The following MAGI2 variants were observed in gnomAD, a reference collection of about 807,000 sequenced individuals.
The protein encoded by MAGI2 is membrane-associated guanylate kinase, WW and PDZ domain-containing protein 2.
A neutral mutation model predicts 133.3 loss-of-function variants in MAGI2; 35 were observed. That is an observed-to-expected ratio of 0.26 (90% confidence interval 0.20 to 0.35). The LOEUF (loss-of-function observed/expected upper bound fraction) is 0.35. MAGI2 is among the 10% of genes least tolerant of loss of function. The pLI, the probability that MAGI2 is intolerant of heterozygous loss-of-function variation, is 1.00. For missense variants in MAGI2, 1,636 were observed against 1,863.4 expected (o/e 0.88, Z 2.25); for synonymous variants, 729 against 710.6 (o/e 1.03, Z -0.41).
chr7:78,700,957 ATAATT>A (rs67685698), intron 2 of MAGI2, among the ~76,000 whole-genome samples: 52,569 of 149,948 alleles, frequency 0.35, 9,511 homozygotes, highest in Middle Eastern at 0.43. Context: ...ACATTTACAT[ATAATT>A]TAAATATATG....
At chr7:78,779,560 G>C (rs759820683) in intron 2 of MAGI2, among the ~76,000 whole-genome samples, 50 of 152,086 alleles carry the variant, frequency 3.3e-4, no homozygotes, top group Non-Finnish European at 2.2e-4. Context: ...AGTTGAGAAA[G>C]TTTTGACTGA....
chr7:78,201,082 G>T, intron 11 of MAGI2, 80 bp downstream of exon 11: 1 of 890,630 alleles, frequency 1.1e-6, no homozygotes, highest in Non-Finnish European at 1.7e-6. Flanking sequence ...AGATTTTGAG[G>T]TCACCCAATT....
intron 1 of MAGI2, among the ~76,000 whole-genome samples, chr7:79,431,594 T>C (rs1193380929): frequency 6.6e-6 from 1 of 152,190 alleles, no homozygotes; most frequent in African/African-American, 2.4e-5. Context: ...AAAAATATTA[T>C]AATTCTTCTA....
At chr7:79,116,861 T>G (rs2129544324) in intron 1 of MAGI2, among the ~76,000 whole-genome samples, 1 of 152,302 alleles carries the variant, frequency 6.6e-6, no homozygotes, top group South Asian at 2.1e-4. Flanking sequence ...CCACCATGAT[T>G]GTAAGCTTCC....
At chr7:78,917,358 C>T (rs1448583439) in intron 2 of MAGI2, among the ~76,000 whole-genome samples, 1 of 151,874 alleles carries the variant, frequency 6.6e-6, no homozygotes, top group Non-Finnish European at 1.5e-5. Flanking sequence ...TTAATTTCTG[C>T]CCTGGAGGAA....
chr7:78,552,289 T>G (rs1799412626), intron 3 of MAGI2, among the ~76,000 whole-genome samples: 1 of 150,298 alleles, frequency 6.7e-6, no homozygotes, highest in African/African-American at 2.5e-5. Context: ...GTTCAAGCAG[T>G]TCTCCTGACT....
intron 3 of MAGI2, among the ~76,000 whole-genome samples, chr7:78,572,755 C>T (rs143403534): frequency 0.011 from 1,632 of 151,824 alleles, 25 homozygotes; most frequent in African/African-American, 0.037. Flanking sequence ...CTCCGCCTCC[C>T]AGGTTCAAGC....
chr7:79,127,827 G>A (rs1820565812), intron 1 of MAGI2, among the ~76,000 whole-genome samples: 1 of 152,078 alleles, frequency 6.6e-6, no homozygotes, highest in South Asian at 2.1e-4. Context: ...GTCAATTTTG[G>A]CTTGTGTTGC....
intron 2 of MAGI2, among the ~76,000 whole-genome samples, chr7:78,878,990 GTA>G (rs1234253709): frequency 2.0e-5 from 3 of 152,092 alleles, no homozygotes; most frequent in Non-Finnish European, 4.4e-5. Flanking sequence ...CTATAGTTCA[GTA>G]GGGCCCCTAT....
chr7:78,255,491 G>T (rs1327773736), intron 10 of MAGI2: 1 of 294,182 alleles, frequency 3.4e-6, no homozygotes, highest in African/African-American at 2.3e-5. Flanking sequence ...TCAAGACTGT[G>T]CTTGGGCTTA....
intron 9 of MAGI2, among the ~76,000 whole-genome samples, chr7:78,339,530 TAAC>T (rs1790133160): frequency 6.6e-6 from 1 of 152,174 alleles, no homozygotes; most frequent in Admixed American, 6.5e-5. Flanking sequence ...GAAAGAAAAA[TAAC>T]TACATTTTTT....
intron 1 of MAGI2, among the ~76,000 whole-genome samples, chr7:79,157,370 G>A (rs967161741): frequency 1.3e-4 from 19 of 151,768 alleles, no homozygotes; most frequent in African/African-American, 1.7e-4. Flanking sequence ...TCTAGGAAAC[G>A]CATATAAGGG....
chr7:78,550,226 G>A (rs763153925), intron 3 of MAGI2, among the ~76,000 whole-genome samples: 1 of 152,116 alleles, frequency 6.6e-6, no homozygotes, highest in African/African-American at 2.4e-5. Flanking sequence ...AGCCTGAATG[G>A]ACTAAGGTAA....
At chr7:79,211,705 T>C (rs575356478) in intron 1 of MAGI2, among the ~76,000 whole-genome samples, 1 of 152,032 alleles carries the variant, frequency 6.6e-6, no homozygotes, top group Non-Finnish European at 1.5e-5. Context: ...GTTAGAATGC[T>C]TTAAAATAAC....
At chr7:78,078,738 A>G (rs1815627902) in intron 21 of MAGI2, 1 of 614,478 alleles carries the variant, frequency 1.6e-6, no homozygotes, top group Non-Finnish European at 2.8e-6. Context: ...AGCAAAAGAA[A>G]GAGTTCACAC....
chr7:78,136,163 T>A (rs995130531), intron 16 of MAGI2, among the ~76,000 whole-genome samples: 2 of 151,604 alleles, frequency 1.3e-5, no homozygotes, highest in African/African-American at 4.8e-5. Flanking sequence ...TCGCCCAGGC[T>A]GGAGTGCAGT....
intron 2 of MAGI2, among the ~76,000 whole-genome samples, chr7:78,658,141 G>T (rs929838750): frequency 1.3e-5 from 2 of 152,028 alleles, no homozygotes; most frequent in African/African-American, 4.8e-5. Context: ...AGGAGTTTTT[G>T]TACTACAAGT....
intron 1 of MAGI2, among the ~76,000 whole-genome samples, chr7:79,160,623 G>A (rs897932743): frequency 3.9e-5 from 6 of 152,044 alleles, no homozygotes; most frequent in Non-Finnish European, 8.8e-5. Context: ...ATAATTACAT[G>A]TAATCCAAAT....
At chr7:79,077,872 A>T (rs1280067931) in intron 1 of MAGI2, among the ~76,000 whole-genome samples, 1 of 152,128 alleles carries the variant, frequency 6.6e-6, no homozygotes. Flanking sequence ...TATTGTAAAT[A>T]ATTATCTATT....
Sources: allele counts gnomAD v4.1 joint callset (sites outside exome capture counted in the v4.1 genomes callset), GRCh38; gene constraint gnomAD v4.1.1; transcripts MANE v1.5; gene names NCBI Gene and HGNC (gene_info 2026-07-23, HGNC 2026-07-21).